TENM3: variants seen among roughly 807,000 people sequenced by gnomAD.
TENM3 encodes teneurin transmembrane protein 3.
In TENM3, 63 loss-of-function variants were observed where a neutral mutation model predicts 255.1. The observed-to-expected ratio is 0.25, with a 90% CI of 0.20 to 0.30. The LOEUF (loss-of-function observed/expected upper bound fraction) is 0.30, where lower values mean the gene tolerates loss of function less well. Ranked by LOEUF, TENM3 falls within the 10% of genes least tolerant of loss-of-function variation. The probability of loss-of-function intolerance (pLI) is 1.00; values close to 1 mark genes in which losing one functional copy is unlikely to be tolerated. For synonymous variants in TENM3, 1,306 were observed against 1,322.3 expected (o/e 0.99, Z 0.27); for missense variants, 2,929 against 3,461.1 (o/e 0.85, Z 3.86).
At chr4:182,282,918 T>G (rs922519995) in intron 1 of TENM3, among the ~76,000 whole-genome samples, 2 of 150,956 alleles carry the variant, frequency 1.3e-5, no homozygotes, top group African/African-American at 2.4e-5. Context: ...AAAAAAAAAT[T>G]TATAGTTAAA....
chr4:181,471,026 C>G, the TENM3 span, among the ~76,000 whole-genome samples: 1 of 151,948 alleles, frequency 6.6e-6, no homozygotes, highest in African/African-American at 2.4e-5. Flanking sequence ...AGAAAGGCCC[C>G]CATCGGCACT....
chr4:181,451,692 A>C, the TENM3 span, among the ~76,000 whole-genome samples: 1 of 152,196 alleles, frequency 6.6e-6, no homozygotes, highest in Admixed American at 6.5e-5. Flanking sequence ...AATGACTCTC[A>C]TATTTTTGGA....
the TENM3 span, among the ~76,000 whole-genome samples, chr4:181,982,918 T>C: frequency 1.3e-5 from 2 of 152,148 alleles, no homozygotes; most frequent in African/African-American, 4.8e-5. Flanking sequence ...TACTTTTGGC[T>C]TTGTTACCTG....
intron 12 of TENM3, among the ~76,000 whole-genome samples, chr4:182,707,270 G>A (rs899293910): frequency 1.3e-5 from 2 of 152,090 alleles, no homozygotes; most frequent in South Asian, 2.1e-4. Context: ...ATGGAGGGGC[G>A]CCCAGAATGT....
At chr4:181,984,548 G>A in the TENM3 span, among the ~76,000 whole-genome samples, 1 of 151,736 alleles carries the variant, frequency 6.6e-6, no homozygotes, top group African/African-American at 2.4e-5. Context: ...CATTGTGTGT[G>A]TATATGTGTT....
At chr4:181,654,248 A>AG in the TENM3 span, among the ~76,000 whole-genome samples, 1 of 151,148 alleles carries the variant, frequency 6.6e-6, no homozygotes, top group East Asian at 1.9e-4. Context: ...AAAAAAAAAA[A>AG]GAAGTCCAAA....
the TENM3 span, among the ~76,000 whole-genome samples, chr4:181,845,799 A>G: frequency 4.6e-5 from 7 of 152,338 alleles, no homozygotes; most frequent in Admixed American, 2.6e-4. Flanking sequence ...CTGCAAAGAC[A>G]TATTAGTCAT....
chr4:182,466,845 T>C (rs1732645438), intron 3 of TENM3, among the ~76,000 whole-genome samples: 1 of 141,008 alleles, frequency 7.1e-6, no homozygotes, highest in African/African-American at 2.5e-5. Context: ...TTCTCTTTGC[T>C]GTCTTCAGTT....
chr4:181,697,183 C>G, the TENM3 span, among the ~76,000 whole-genome samples: 4 of 152,168 alleles, frequency 2.6e-5, no homozygotes, highest in South Asian at 8.3e-4. Context: ...CGGGCATGGT[C>G]TTTTGTTCTG....
rs557883542 is a variant in TENM3, at chr4:182,638,154, G to C, written c.988+9265G>C. ...TGGGGTAACTAGATCTATAATTGCC[G>C]CAAGAATCCCATAGTCTCTTTCTGT... On this transcript the variant is annotated intron_variant, in intron 5 of 27. Transcript: ENST00000511685. Among the ~76,000 whole-genome samples the C allele has an allele frequency of 1.6e-4, 24 of 151,854 alleles. No homozygotes were observed. The South Asian group carries it at 2.9e-3, about 18-fold the overall frequency.
chr4:182,139,385 C>T (rs1275667704), upstream of TENM3, among the ~76,000 whole-genome samples: 1 of 152,162 alleles, frequency 6.6e-6, no homozygotes, highest in Non-Finnish European at 1.5e-5. Flanking sequence ...TGAATTTAGT[C>T]ACTTGATACC....
chr4:182,736,693 C>A, intron 16 of TENM3, 115 bp from the exon 17 acceptor site: 1 of 1,025,676 alleles, frequency 9.7e-7, no homozygotes, highest in Non-Finnish European at 1.4e-6. Flanking sequence ...AGTAAGTAAA[C>A]TAAGACACAG....
At chr4:181,911,824 T>A in the TENM3 span, among the ~76,000 whole-genome samples, 6 of 152,324 alleles carry the variant, frequency 3.9e-5, no homozygotes, top group African/African-American at 1.4e-4. Flanking sequence ...GCCATTAAAA[T>A]GGGCAGAAAA....
At chr4:181,488,265 AT>A in the TENM3 span, among the ~76,000 whole-genome samples, 1 of 152,210 alleles carries the variant, frequency 6.6e-6, no homozygotes, top group Non-Finnish European at 1.5e-5. Flanking sequence ...TATACTATGC[AT>A]TCTATAGGTG....
chr4:181,729,775 C>T, the TENM3 span, among the ~76,000 whole-genome samples: 1 of 152,114 alleles, frequency 6.6e-6, no homozygotes, highest in Non-Finnish European at 1.5e-5. Flanking sequence ...TTGTCGGAGC[C>T]AGCTCACTGC....
chr4:182,755,806 C>T (rs1762703349), intron 22 of TENM3, among the ~76,000 whole-genome samples: 1 of 151,986 alleles, frequency 6.6e-6, no homozygotes, highest in Non-Finnish European at 1.5e-5. Context: ...CGCCACTGCA[C>T]TCCAGTCTCT....
At chr4:182,707,199 C>T (rs1240332871) in intron 12 of TENM3, among the ~76,000 whole-genome samples, 3 of 151,992 alleles carry the variant, frequency 2.0e-5, no homozygotes, top group Non-Finnish European at 4.4e-5. Context: ...ACTCCTAGAC[C>T]TTATCCAAGA....
the TENM3 span, among the ~76,000 whole-genome samples, chr4:181,846,311 C>A: frequency 6.6e-6 from 1 of 151,794 alleles, no homozygotes; most frequent in East Asian, 1.9e-4. Context: ...TAGAATACTG[C>A]TAAGAATATG....
At chr4:182,429,776 T>A (rs1771490498) in intron 3 of TENM3, among the ~76,000 whole-genome samples, 1 of 152,204 alleles carries the variant, frequency 6.6e-6, no homozygotes, top group Admixed American at 6.5e-5. Context: ...TACTCAGTGC[T>A]TACACATAGT....
Sources: allele counts gnomAD v4.1 joint callset (sites outside exome capture counted in the v4.1 genomes callset), GRCh38; gene constraint gnomAD v4.1.1; transcripts MANE v1.5; gene names NCBI Gene and HGNC (gene_info 2026-07-23, HGNC 2026-07-21).